The following SPATA2 variants were observed in gnomAD, a reference collection of about 807,000 sequenced individuals.
SPATA2 encodes the protein spermatogenesis-associated protein 2.
SPATA2 carries 8 observed loss-of-function variants against 35.4 expected under a neutral mutation model. That is an observed-to-expected ratio of 0.23 (90% CI 0.13 to 0.41). The LOEUF is 0.41. Ranked by LOEUF, SPATA2 falls within the 10% of genes least tolerant of loss-of-function variation. SPATA2 has a pLI of 1.00. For synonymous variants in SPATA2, 293 were observed against 300.9 expected, an observed-to-expected ratio of 0.97 and a Z score of 0.27; for missense variants, 650 against 698.7, an observed-to-expected ratio of 0.93 and a Z score of 0.79.
rs374830291 is a variant in SPATA2 at position 49,903,902 on chromosome 20, G to GATAT, written c.*1713_*1716dup. On this transcript the variant is annotated 3_prime_UTR_variant, in exon 3 of 3. Transcript: ENST00000289431. ...ACATCTACATGTGATCTACCAGATA[G>GATAT]ATATATATATATATATATATATATA... is the stretch of plus-strand genomic sequence containing the variant. 221 of 96,814 alleles carry GATAT rather than the reference G, an allele frequency of 2.3e-3. 2 individuals are homozygous for GATAT. Among genetic ancestry groups the GATAT allele is most frequent in the Non-Finnish European group, 3.1e-3 (156 of 49,622 alleles). 6.0% of individuals were successfully genotyped at this position (96,814 alleles called of 1,614,324 possible). A position where few individuals can be genotyped will look rare whatever the true frequency, so the allele number is the denominator to read the frequency against.
intron 1 of SPATA2, among the ~76,000 whole-genome samples, chr20:49,911,393 G>T (rs1257842255): frequency 6.6e-6 from 1 of 152,084 alleles, no homozygotes; most frequent in East Asian, 1.9e-4. Context: ...GCCAGGCACG[G>T]TGGCTCACGC....
In SPATA2 at chr20:49,908,248, G is replaced by A; in HGVS notation, c.243C>T (p.Ser81=). The A allele has an allele frequency of 6.2e-7, 1 of 1,614,198 alleles. No individual in the cohort carries two copies. The highest frequency in any genetic ancestry group is 8.5e-7 in the Non-Finnish European group (1 of 1,180,052). The change falls in exon 2 of 3, where the codon AGC becomes AGT. Residue 81 remains serine, a synonymous_variant. Transcript: ENST00000289431. ...ESSLRSLSSS[S]LRALHGAFSM... Reference sequence around the variant, plus strand: ...TGAAGGCGCCGTGCAGAGCCCGCAGGCTAGAGGAGCTGAGCGAGCGCAAGG... The same window carrying A: ...TGAAGGCGCCGTGCAGAGCCCGCAGACTAGAGGAGCTGAGCGAGCGCAAGG...
At chr20:49,912,172 G>C (rs73271191) in intron 1 of SPATA2, among the ~76,000 whole-genome samples, 1,686 of 152,232 alleles carry the variant, frequency 0.011, 42 homozygotes, top group African/African-American at 0.038. Flanking sequence ...TAAAAATGCA[G>C]GCCAGGCGCG....
rs1568904796 is a variant in SPATA2, at chr20:49,904,376, A to T, written c.*1243T>A. 6.6e-6 allele frequency: 1 copy of T among 152,552 alleles called. No homozygotes were observed. The highest frequency in any genetic ancestry group is 2.4e-5 in the African/African-American group (1 of 41,438). The allele number at this position is 152,552 out of a possible 1,614,324, so 9.4% of individuals were successfully genotyped here. Reference sequence around the variant, plus strand: ...TGCAAAAAGATTGCAAATGTTGCAGATGAGTCCTGGAAACTGGTGAAGAGA... The same window carrying T: ...TGCAAAAAGATTGCAAATGTTGCAGTTGAGTCCTGGAAACTGGTGAAGAGA... On this transcript the variant is annotated 3_prime_UTR_variant, in exon 3 of 3. Coordinates refer to ENST00000289431, the MANE Select transcript of SPATA2 (RefSeq NM_006038.4).
In SPATA2 at chr20:49,906,358, C is replaced by A. The variant is rs1200547717; in HGVS notation, c.824G>T (p.Arg275Leu). Residue 275 changes from arginine (R) to leucine (L), a missense_variant, in exon 3 of 3, where the codon CGG (arginine) becomes CTG (leucine). Arg to Leu is a moderately radical substitution (Grantham distance 102). Transcript: ENST00000289431. The surrounding 1 kb of genome is among the most constrained non-coding windows in gnomAD (Gnocchi z 8.2). ...KPPLKASLSLRKEPVATDVGD... is the reference protein window; with the variant it reads ...KPPLKASLSLLKEPVATDVGD... ...CACATCCGTTGCCACAGGCTCCTTC[C>A]GAAGACTCAATGAGGCCTTCAGGGG... The A allele has an allele frequency of 6.2e-7, 1 of 1,613,450 alleles. No homozygotes were observed. The highest frequency in any genetic ancestry group is 8.5e-7 in the Non-Finnish European group (1 of 1,179,688).
Position 49,903,916 on chromosome 20 carries a change from T to TATAG in SPATA2, c.*1702_*1703insCTAT, listed in dbSNP as rs1568904447. 2 of 33,118 alleles carry TATAG rather than the reference T, an allele frequency of 6.0e-5. No individual in the cohort carries two copies. Among genetic ancestry groups the TATAG allele is most frequent in the Non-Finnish European group, 1.3e-4 (2 of 15,660 alleles). The allele number at this position is 33,118 out of a possible 1,614,324, so 2.1% of individuals were successfully genotyped here. On this transcript the variant is annotated 3_prime_UTR_variant, in exon 3 of 3. Coordinates refer to ENST00000289431, the MANE Select transcript of SPATA2 (RefSeq NM_006038.4). ...TCTACCAGATAGATATATATATATA[T>TATAG]ATATATATATATATATATATATATA...
In SPATA2 at chr20:49,905,937, G is replaced by T; in HGVS notation, c.1245C>A (p.Ser415Arg). 1 of 1,610,840 alleles carries T rather than the reference G, an allele frequency of 6.2e-7. No individual in the cohort carries two copies. Residue 415 changes from serine (S) to arginine (R), a missense_variant, in exon 3 of 3, where the codon AGC becomes AGA. Coordinates refer to ENST00000289431, the MANE Select transcript of SPATA2 (RefSeq NM_006038.4). ...PPASKPSAFPSKASTHDSLAH... is the reference protein window; with the variant it reads ...PPASKPSAFPRKASTHDSLAH... ...CCAGGCTGTCATGAGTCGAGGCCTT[G>T]CTGGGGAAGGCGCTGGGCTTGGAAG...
rs879570309 is a variant in SPATA2, at chr20:49,903,904, T to TAGAGATAG, written c.*1714_*1715insCTATCTCT. The TAGAGATAG allele has an allele frequency of 8.8e-5, 1 of 11,312 alleles. No homozygotes were observed. The highest frequency in any genetic ancestry group is 4.6e-3 in the South Asian group (1 of 216). 0.7% of individuals were successfully genotyped at this position (11,312 alleles called of 1,614,324 possible). ...ATCTACATGTGATCTACCAGATAGATATATATATATATATATATATATATA... is the reference window on the plus strand; with the variant it reads ...ATCTACATGTGATCTACCAGATAGATAGAGATAGATATATATATATATATATATATATA... On this transcript the variant is annotated 3_prime_UTR_variant, in exon 3 of 3. Coordinates refer to ENST00000289431, the MANE Select transcript of SPATA2 (RefSeq NM_006038.4).
In SPATA2 at chr20:49,906,856, G is replaced by A. The variant is rs770440712; in HGVS notation, c.337-11C>T. The A allele has an allele frequency of 2.1e-5, 34 of 1,593,212 alleles. No individual in the cohort carries two copies. Among genetic ancestry groups the A allele is most frequent in the African/African-American group, 1.4e-5 (1 of 73,980 alleles). Reference sequence around the variant, plus strand: ...AGGGCCCGTGTAGGTCTAGAAGGGAGGGAGTAGAAAAGAAAGGTGGGGTTT... The same window carrying A: ...AGGGCCCGTGTAGGTCTAGAAGGGAAGGAGTAGAAAAGAAAGGTGGGGTTT... On this transcript the variant is annotated splice_polypyrimidine_tract_variant and intron_variant, in intron 2 of 2. Transcript: ENST00000289431. This position sits in a 1 kb window ranked among gnomAD's most constrained non-coding sequence, Gnocchi z 8.2.
intron 1 of SPATA2, among the ~76,000 whole-genome samples, chr20:49,911,879 C>A (rs969683407): frequency 9.2e-5 from 14 of 152,092 alleles, no homozygotes; most frequent in Non-Finnish European, 2.1e-4. Context: ...CCCGATAATC[C>A]AAGCCTGGCC....
In SPATA2 at chr20:49,903,746, T is replaced by C. The variant is rs2090120711; in HGVS notation, c.*1873A>G. ...ATCTGGAAATGGAAAACTAGAAAAC[T>C]AGAGCTCTCAGGAGTGGGCCAGGCA... On this transcript the variant is annotated 3_prime_UTR_variant, in exon 3 of 3. Coordinates refer to ENST00000289431, the MANE Select transcript of SPATA2 (RefSeq NM_006038.4). The C allele has an allele frequency of 6.6e-6, 1 of 151,714 alleles. No individual in the cohort carries two copies. The highest frequency in any genetic ancestry group is 2.4e-5 in the African/African-American group (1 of 41,254). The allele number at this position is 151,714 out of a possible 1,614,324, so 9.4% of individuals were successfully genotyped here.
Position 49,906,523 on chromosome 20 carries a change from T to C in SPATA2, c.659A>G (p.His220Arg). The C allele has an allele frequency of 6.2e-7, 1 of 1,612,258 alleles. No individual in the cohort carries two copies. Reference sequence around the variant, plus strand: ...CACTCGTGACATGGAGGCCGTCAGGTGCTCCCGGCCCTCTGCCCGCCGCCG... The same window carrying C: ...CACTCGTGACATGGAGGCCGTCAGGCGCTCCCGGCCCTCTGCCCGCCGCCG... The part of the protein sequence containing the change: ...ALRRRAEGRE[H>R]LTASMSRVAL... The change falls in exon 3 of 3, where the codon CAC (histidine) becomes CGC (arginine). Residue 220 changes from histidine (H) to arginine (R), a missense_variant. Coordinates refer to ENST00000289431, the MANE Select transcript of SPATA2 (RefSeq NM_006038.4). This position sits in a 1 kb window ranked among gnomAD's most constrained non-coding sequence, Gnocchi z 8.2.
In SPATA2 at chr20:49,908,580, C is replaced by A; in HGVS notation, c.-90G>T. Reference sequence around the variant, plus strand: ...AAGCATGGACATGTTGCCGCCTGGACCAGCGGAGTGCTCTGGAAGGAGGGG... The same window carrying A: ...AAGCATGGACATGTTGCCGCCTGGAACAGCGGAGTGCTCTGGAAGGAGGGG... On this transcript the variant is annotated 5_prime_UTR_variant, in exon 2 of 3. Transcript: ENST00000289431. 1 of 1,064,556 alleles carries A rather than the reference C, an allele frequency of 9.4e-7. No homozygotes were observed. The highest frequency in any genetic ancestry group is 1.4e-6 in the Non-Finnish European group (1 of 733,652). The allele number at this position is 1,064,556 out of a possible 1,614,324, so 65.9% of individuals were successfully genotyped here. A position where few individuals can be genotyped will look rare whatever the true frequency, so the allele number is the denominator to read the frequency against.
chr20:49,915,082 G>T (rs1234333523), intron 1 of SPATA2, among the ~76,000 whole-genome samples: 1 of 152,202 alleles, frequency 6.6e-6, no homozygotes, highest in Admixed American at 6.5e-5. Flanking sequence ...TAACTGCCTC[G>T]TGGCGAAATC....
intron 1 of SPATA2, among the ~76,000 whole-genome samples, chr20:49,914,757 C>T (rs1205310165): frequency 2.6e-5 from 4 of 152,220 alleles, no homozygotes; most frequent in Non-Finnish European, 5.9e-5. Context: ...CTGGCGGCTG[C>T]TAAGTCCCAG....
intron 1 of SPATA2, among the ~76,000 whole-genome samples, chr20:49,914,973 G>A (rs1296633149): frequency 6.6e-6 from 1 of 152,208 alleles, no homozygotes; most frequent in Admixed American, 6.5e-5. Flanking sequence ...ACTTAAATAG[G>A]CAACTGAGGC....
intron 1 of SPATA2, among the ~76,000 whole-genome samples, chr20:49,909,125 C>T (rs534291127): frequency 1.2e-4 from 19 of 152,198 alleles, no homozygotes; most frequent in African/African-American, 3.8e-4. Context: ...CGGGTTCAAG[C>T]GATTCTCCTG....
Position 49,906,911 on chromosome 20 carries a change from T to TCAAAG in SPATA2, c.337-71_337-67dup. On this transcript the variant is annotated intron_variant, in intron 2 of 2. Transcript: ENST00000289431. The surrounding 1 kb of genome is among the most constrained non-coding windows in gnomAD (Gnocchi z 8.2). ...TCAGAGACACAAGACAGAGACTATG[T>TCAAAG]CAAAGCAAAGGATGTCCAGCTCTGA... 5.2e-6 allele frequency: 8 copies of TCAAAG among 1,529,134 alleles called. No homozygotes were observed. Among genetic ancestry groups the TCAAAG allele is most frequent in the Non-Finnish European group, 7.1e-6 (8 of 1,134,188 alleles). 94.7% of individuals were successfully genotyped at this position (1,529,134 alleles called of 1,614,324 possible). A position where few individuals can be genotyped will look rare whatever the true frequency, so the allele number is the denominator to read the frequency against.
At chr20:49,912,744 A>G (rs2090188215) in intron 1 of SPATA2, among the ~76,000 whole-genome samples, 1 of 152,132 alleles carries the variant, frequency 6.6e-6, no homozygotes, top group Non-Finnish European at 1.5e-5. Context: ...TTTGTTGCTG[A>G]AAAACAATAA....
Sources: allele counts gnomAD v4.1 joint callset (sites outside exome capture counted in the v4.1 genomes callset), GRCh38; gene constraint gnomAD v4.1.1; non-coding constraint Gnocchi (gnomAD v3.1); transcripts MANE v1.5; gene names NCBI Gene and HGNC (gene_info 2026-07-23, HGNC 2026-07-21).